The following PXK variants were observed in gnomAD, a reference collection of about 807,000 sequenced individuals.
PXK encodes the protein PX domain-containing protein kinase-like protein.
PXK carries 35 observed loss-of-function variants against 84.7 expected under a neutral mutation model. The ratio of observed to expected loss-of-function variants is 0.41; its 90% CI spans 0.32 to 0.55. PXK has a LOEUF of 0.55. Among genes scored for constraint, PXK ranks in the 20% least tolerant of loss-of-function variants. The pLI, the probability that PXK is intolerant of heterozygous loss-of-function variation, is 0.21. For synonymous variants in PXK, 253 were observed against 260.8 expected (o/e 0.97, Z 0.29); for missense variants, 634 against 699.7 (o/e 0.91, Z 1.06).
rs193170456 is a variant in PXK, at chr3:58,367,792, C to G, written c.154-1639C>G. ...CGACCTCCTGGGCTCAAGTGATCCT[C>G]CCACTTCAGCCTCCTGAGTAGCTGG... On this transcript the variant is annotated intron_variant, in intron 2 of 17. Coordinates refer to ENST00000356151, the MANE Select transcript of PXK (RefSeq NM_017771.5). 8.5e-5 allele frequency among the ~76,000 whole-genome samples: 13 copies of G among 152,254 alleles called. No homozygotes were observed. In the East Asian group the frequency reaches 2.3e-3, roughly 27 times the overall value.
rs71311868 is a variant in PXK at position 58,407,147 on chromosome 3, A to G, written c.1231-1777A>G. On this transcript the variant is annotated intron_variant, in intron 13 of 17. Coordinates refer to ENST00000356151, the MANE Select transcript of PXK (RefSeq NM_017771.5). This position sits in a 1 kb window ranked among gnomAD's most constrained non-coding sequence, Gnocchi z 4.3. ...GAGTCACCTCCATACTGTTTTCCAT[A>G]GCAGCTGTACTACTCTACATTTCCA... Among the ~76,000 whole-genome samples the G allele has an allele frequency of 0.07, 10,681 of 152,246 alleles. 475 individuals carry two copies. Among genetic ancestry groups the G allele is most frequent in the South Asian group, 0.1 (490 of 4,816 alleles).
Position 58,385,298 on chromosome 3 carries a change from T to C in PXK, c.388+2598T>C, listed in dbSNP as rs2098542018. 6.6e-6 allele frequency among the ~76,000 whole-genome samples: 1 copy of C among 152,196 alleles called. No homozygotes were observed. The highest frequency in any genetic ancestry group is 2.4e-5 in the African/African-American group (1 of 41,458). On this transcript the variant is annotated intron_variant, in intron 4 of 17. Transcript: ENST00000356151. The surrounding 1 kb of genome is among the most constrained non-coding windows in gnomAD (Gnocchi z 5.1). ...GTGATGGATGCTGTTTTCAGAGAGATGTTGATTTATTTCACCCTTTGAATG... is the reference window on the plus strand; with the variant it reads ...GTGATGGATGCTGTTTTCAGAGAGACGTTGATTTATTTCACCCTTTGAATG...
Position 58,410,070 on chromosome 3 carries a change from CT to C in PXK, c.1396-16del. On this transcript the variant is annotated intron_variant, in intron 15 of 17. Coordinates refer to ENST00000356151, the MANE Select transcript of PXK (RefSeq NM_017771.5). ...TTTGCTTTCCTCTCCCTCCCTCCCC[CT>C]TTTCTTTTATTCTTAAAGAAGTCAA... 3 of 1,523,344 alleles carry C rather than the reference CT, an allele frequency of 2.0e-6. No homozygotes were observed. The highest frequency in any genetic ancestry group is 1.8e-6 in the Non-Finnish European group (2 of 1,098,574). 94.4% of individuals were successfully genotyped at this position (1,523,344 alleles called of 1,614,324 possible).
intron 1 of PXK, among the ~76,000 whole-genome samples, chr3:58,354,185 T>C (rs922822892): frequency 6.6e-6 from 1 of 152,148 alleles, no homozygotes; most frequent in African/African-American, 2.4e-5. Context: ...AGTTCTTTCT[T>C]GCTCCTTTAA....
chr3:58,408,046 T>C (rs1349089699), intron 13 of PXK, among the ~76,000 whole-genome samples: 1 of 152,216 alleles, frequency 6.6e-6, no homozygotes, highest in African/African-American at 2.4e-5. Context: ...TTAATTTTTG[T>C]TTATGGTGTA....
intron 17 of PXK, chr3:58,420,895 C>A: frequency 8.8e-7 from 1 of 1,138,320 alleles, no homozygotes; most frequent in Non-Finnish European, 1.1e-6. Flanking sequence ...TCTCAAAGTC[C>A]CGTTGCTGCA....
intron 1 of PXK, among the ~76,000 whole-genome samples, chr3:58,334,959 C>CTG (rs1160895291): frequency 0.17 from 20,899 of 125,112 alleles, 2,259 homozygotes; most frequent in East Asian, 0.5. Flanking sequence ...GTGTGTGTGT[C>CTG]TGTGTGTGTG....
intron 1 of PXK, among the ~76,000 whole-genome samples, chr3:58,335,055 G>C (rs1312434723): frequency 2.1e-5 from 3 of 142,984 alleles, no homozygotes; most frequent in African/African-American, 8.5e-5. Context: ...GTGTGTGTGT[G>C]TGTGGAGACA....
intron 3 of PXK, among the ~76,000 whole-genome samples, chr3:58,372,336 T>G (rs1042323364): frequency 2.0e-5 from 3 of 152,156 alleles, no homozygotes; most frequent in Non-Finnish European, 4.4e-5. Context: ...TTTTCTTTTT[T>G]TTTTGAGATG....
At chr3:58,362,949 C>G (rs2098213243) in intron 1 of PXK, among the ~76,000 whole-genome samples, 1 of 152,166 alleles carries the variant, frequency 6.6e-6, no homozygotes, top group Non-Finnish European at 1.5e-5. Flanking sequence ...CTCCTGAGCT[C>G]AAGTGATCCT....
Position 58,390,740 on chromosome 3 carries a change from C to A in PXK, c.466+81C>A. 1 of 1,311,478 alleles carries A rather than the reference C, an allele frequency of 7.6e-7. No homozygotes were observed. The highest frequency in any genetic ancestry group is 1.1e-6 in the Non-Finnish European group (1 of 935,090). 81.2% of individuals were successfully genotyped at this position (1,311,478 alleles called of 1,614,324 possible). A position where few individuals can be genotyped will look rare whatever the true frequency, so the allele number is the denominator to read the frequency against. On this transcript the variant is annotated intron_variant, in intron 5 of 17. Transcript: ENST00000356151. This position sits in a 1 kb window ranked among gnomAD's most constrained non-coding sequence, Gnocchi z 4.2. ...TAGTCATGCTTTCTGATACGTATCC[C>A]AGGAACATGCTTAAATGCAGGTGAC...
chr3:58,353,779 T>G (rs2097998528), intron 1 of PXK, among the ~76,000 whole-genome samples: 1 of 152,126 alleles, frequency 6.6e-6, no homozygotes, highest in Admixed American at 6.5e-5. Context: ...GGGGCATAAG[T>G]AAGGGATATT....
At chr3:58,348,346 C>T (rs2097857701) in intron 1 of PXK, among the ~76,000 whole-genome samples, 1 of 152,168 alleles carries the variant, frequency 6.6e-6, no homozygotes, top group African/African-American at 2.4e-5. Context: ...TAGTGGTCTC[C>T]TTCTGAACCA....
chr3:58,425,569 T>A lies in PXK; in HGVS notation c.*609T>A, dbSNP rs1385215613. ...TCTAACAGGAATACCATTGTGGTTATAGAACTCAGGGCTGCTAAAGCAACT... is the reference window on the plus strand; with the variant it reads ...TCTAACAGGAATACCATTGTGGTTAAAGAACTCAGGGCTGCTAAAGCAACT... On this transcript the variant is annotated 3_prime_UTR_variant, in exon 18 of 18. Transcript: ENST00000356151. 5.2e-5 allele frequency: 8 copies of A among 153,326 alleles called. No individual in the cohort carries two copies. The highest frequency in any genetic ancestry group is 5.2e-4 in the Admixed American group (8 of 15,428). The allele number at this position is 153,326 out of a possible 1,614,324, so 9.5% of individuals were successfully genotyped here. A position where few individuals can be genotyped will look rare whatever the true frequency, so the allele number is the denominator to read the frequency against.
intron 3 of PXK, among the ~76,000 whole-genome samples, chr3:58,378,510 T>TGTGTG (rs1448463917): frequency 1.5e-3 from 42 of 27,698 alleles, no homozygotes; most frequent in African/African-American, 4.1e-3. Context: ...TTTTTTTTTT[T>TGTGTG]TTTGTGTGTG....
At chr3:58,422,591 T>A in intron 17 of PXK, 1 of 985,430 alleles carries the variant, frequency 1.0e-6, no homozygotes, top group Non-Finnish European at 1.2e-6. Flanking sequence ...GGAAAATCCA[T>A]GTACTGAACC....
At chr3:58,344,776 C>T (rs60788488) in intron 1 of PXK, among the ~76,000 whole-genome samples, 34,499 of 152,102 alleles carry the variant, frequency 0.23, 5,860 homozygotes, top group East Asian at 0.82. Context: ...TGCAGTGAGT[C>T]GAGATTGCAC....
Position 58,332,942 on chromosome 3 carries a change from G to C in PXK, c.-47G>C. On this transcript the variant is annotated 5_prime_UTR_variant, in exon 1 of 18. Coordinates refer to ENST00000356151, the MANE Select transcript of PXK (RefSeq NM_017771.5). This position sits in a 1 kb window ranked among gnomAD's most constrained non-coding sequence, Gnocchi z 5.6. Reference sequence around the variant, plus strand: ...GGCGGGCGGCGGGAGTCGGCGCCTCGGGTTCCTACCTCGCGTCCCTAGGCG... The same window carrying C: ...GGCGGGCGGCGGGAGTCGGCGCCTCCGGTTCCTACCTCGCGTCCCTAGGCG... 1 of 1,245,080 alleles carries C rather than the reference G, an allele frequency of 8.0e-7. No homozygotes were observed. The highest frequency in any genetic ancestry group is 1.0e-6 in the Non-Finnish European group (1 of 963,646). The allele number at this position is 1,245,080 out of a possible 1,614,324, so 77.1% of individuals were successfully genotyped here. A position where few individuals can be genotyped will look rare whatever the true frequency, so the allele number is the denominator to read the frequency against.
At chr3:58,375,033 A>G (rs561006787) in intron 3 of PXK, among the ~76,000 whole-genome samples, 2 of 135,818 alleles carry the variant, frequency 1.5e-5, no homozygotes, top group South Asian at 2.2e-4. Flanking sequence ...GGGCAGAGCA[A>G]TACATTTAAA....
Sources: allele counts gnomAD v4.1 joint callset (sites outside exome capture counted in the v4.1 genomes callset), GRCh38; gene constraint gnomAD v4.1.1; non-coding constraint Gnocchi (gnomAD v3.1); transcripts MANE v1.5; gene names NCBI Gene and HGNC (gene_info 2026-07-23, HGNC 2026-07-21).